Variants in ARHGEF4 observed in about 807,000 individuals in gnomAD.
The protein encoded by ARHGEF4 is APC-stimulated guanine nucleotide exchange factor 1.
A neutral mutation model predicts 162.0 loss-of-function variants in ARHGEF4; 119 were observed. That is an observed-to-expected ratio of 0.73 (90% CI 0.63 to 0.86). The LOEUF is 0.86. ARHGEF4 is among the 40% of genes least tolerant of loss of function. The pLI is 0.00. For synonymous variants in ARHGEF4, 1,014 were observed against 979.9 expected, an observed-to-expected ratio of 1.03 and a Z score of -0.65; for missense variants, 2,488 against 2,456.0, an observed-to-expected ratio of 1.01 and a Z score of -0.28.
rs192848863 is a variant in ARHGEF4, at chr2:131,019,018, C to T, written c.3986-8927C>T. On this transcript the variant is annotated intron_variant, in intron 4 of 13. Transcript: ENST00000409359. ...TAGTAAGTTTTGAAATCAGGAAATG[C>T]GGGTCCTCCAACTTTGTTTTTTTCA... 4.6e-5 allele frequency among the ~76,000 whole-genome samples: 7 copies of T among 152,218 alleles called. No individual in the cohort carries two copies. In the East Asian group the frequency reaches 5.8e-4, roughly 13 times the overall value.
At chr2:130,903,132 A>G (rs1400079748) in intron 1 of ARHGEF4, among the ~76,000 whole-genome samples, 1 of 104,096 alleles carries the variant, frequency 9.6e-6, no homozygotes, top group Non-Finnish European at 2.2e-5. Context: ...TTTTTTTTTG[A>G]GTCTTTCCGT....
Position 131,041,828 on chromosome 2 carries a change from G to A in ARHGEF4, c.4909G>A (p.Val1637Ile), listed in dbSNP as rs1690838363. Reference protein sequence around the residue: ...THPQHRDFKDVEAALHAMKNV... With the variant: ...THPQHRDFKDIEAALHAMKNV... ...GTTCTGCCCCAGGGACTTCAAGGATGTTGAAGCCGCCTTGCATGCCATGAA... is the reference window on the plus strand; with the variant it reads ...GTTCTGCCCCAGGGACTTCAAGGATATTGAAGCCGCCTTGCATGCCATGAA... The change falls in exon 10 of 14, where the codon GTT becomes ATT. Residue 1637 changes from valine to isoleucine, a missense_variant. This residue lies in a region of ARHGEF4 where 415 missense variants were observed against 512.4 expected (regional missense o/e 0.81). Transcript: ENST00000409359. The A allele has an allele frequency of 6.2e-7, 1 of 1,613,384 alleles. No individual in the cohort carries two copies. The highest frequency in any genetic ancestry group is 8.5e-7 in the Non-Finnish European group (1 of 1,179,986).
At position 131,028,058 on chromosome 2, in the gene ARHGEF4, G is replaced by T. The variant is rs1689597366; in HGVS notation, c.4099G>T (p.Gly1367Cys). Residue 1367 changes from glycine (G) to cysteine (C), a missense_variant, in exon 5 of 14, where the codon GGT becomes TGT. Physicochemically the swap from Gly to Cys is radical, Grantham distance 159. Transcript: ENST00000409359. ...CCACCACTACAGCCACCCTGGAGGG[G>T]GTGGGGAGCAGCTGGCTATCAATGA... ...SSHHYSHPGG[G>C]GEQLAINELI... 1 of 1,613,928 alleles carries T rather than the reference G, an allele frequency of 6.2e-7. No individual in the cohort carries two copies. The highest frequency in any genetic ancestry group is 1.7e-5 in the Admixed American group (1 of 60,000).
chr2:130,919,977 A>G (rs1288231647), intron 2 of ARHGEF4, among the ~76,000 whole-genome samples: 1 of 152,140 alleles, frequency 6.6e-6, no homozygotes, highest in African/African-American at 2.4e-5. Flanking sequence ...TGGAAGGCAG[A>G]TATTCCTGGA....
chr2:130,852,925 G>C (rs536962883), intron 1 of ARHGEF4, among the ~76,000 whole-genome samples: 1 of 152,188 alleles, frequency 6.6e-6, no homozygotes, highest in Non-Finnish European at 1.5e-5. Context: ...AGCAGCAGCC[G>C]GCTGCCCCAT....
intron 4 of ARHGEF4, among the ~76,000 whole-genome samples, chr2:130,999,321 A>ATT (rs557596497): frequency 1.3e-5 from 2 of 151,110 alleles, no homozygotes; most frequent in Admixed American, 6.6e-5. Flanking sequence ...CGCCTGGCTA[A>ATT]TTTTTTTTGT....
chr2:130,983,069 T>G (rs1202790238), intron 4 of ARHGEF4, among the ~76,000 whole-genome samples: 2 of 152,206 alleles, frequency 1.3e-5, no homozygotes, highest in African/African-American at 4.8e-5. Flanking sequence ...GGAAGCAACC[T>G]GCATATCTAA....
chr2:130,870,604 G>T (rs1282503382), intron 1 of ARHGEF4, among the ~76,000 whole-genome samples: 1 of 152,146 alleles, frequency 6.6e-6, no homozygotes, highest in Non-Finnish European at 1.5e-5. Flanking sequence ...TGAAACAACT[G>T]CCCCAGTTAC....
intron 3 of ARHGEF4, among the ~76,000 whole-genome samples, chr2:130,935,368 T>C (rs898602638): frequency 6.6e-6 from 1 of 152,118 alleles, no homozygotes; most frequent in Admixed American, 6.6e-5. Context: ...ATATTTAATG[T>C]GTCTCTACTT....
intron 1 of ARHGEF4, among the ~76,000 whole-genome samples, chr2:130,868,411 T>C (rs944220905): frequency 7.0e-6 from 1 of 142,552 alleles, no homozygotes; most frequent in African/African-American, 2.5e-5. Flanking sequence ...GAGAGAACAC[T>C]TCCCAGGGAA....
intron 4 of ARHGEF4, among the ~76,000 whole-genome samples, chr2:131,013,670 G>A (rs1034230864): frequency 6.6e-6 from 1 of 152,132 alleles, no homozygotes; most frequent in Non-Finnish European, 1.5e-5. Context: ...GTGCGATCTT[G>A]GCTCACTGCA....
At chr2:130,983,593 T>C (rs1686265500) in intron 4 of ARHGEF4, among the ~76,000 whole-genome samples, 1 of 152,198 alleles carries the variant, frequency 6.6e-6, no homozygotes, top group African/African-American at 2.4e-5. Context: ...GAAAATAGCT[T>C]GGACTTAATT....
At chr2:130,854,562 T>A (rs888485127) in intron 1 of ARHGEF4, among the ~76,000 whole-genome samples, 1 of 152,164 alleles carries the variant, frequency 6.6e-6, no homozygotes, top group Non-Finnish European at 1.5e-5. Flanking sequence ...TGCTGAGAAG[T>A]CTGGGGATCA....
At chr2:130,888,453 C>T (rs112818953) in intron 1 of ARHGEF4, among the ~76,000 whole-genome samples, 4 of 151,658 alleles carry the variant, frequency 2.6e-5, no homozygotes, top group South Asian at 2.1e-4. Context: ...CCTGGCTGAG[C>T]GAGACTCTGT....
intron 1 of ARHGEF4, among the ~76,000 whole-genome samples, chr2:130,867,460 A>G (rs926308159): frequency 6.6e-6 from 1 of 151,356 alleles, no homozygotes; most frequent in Admixed American, 6.6e-5. Context: ...CTGGTCTCGA[A>G]CTCCTGACCT....
chr2:130,915,166 G>A lies in ARHGEF4; in HGVS notation c.1220G>A (p.Gly407Asp), dbSNP rs1166803833. 2.5e-5 allele frequency: 39 copies of A among 1,550,604 alleles called. No individual in the cohort carries two copies. Among genetic ancestry groups the A allele is most frequent in the Non-Finnish European group, 3.3e-5 (38 of 1,147,008 alleles). Residue 407 changes from glycine (G) to aspartate (D), a missense_variant, in exon 2 of 14, where the codon GGT becomes GAT. Around this residue, in one of 6 missense-constraint regions of ARHGEF4, gnomAD observed 1,642 missense variants for 1,481.5 expected, o/e 1.11. Transcript: ENST00000409359. ...APHLQGPCKP[G>D]GFRLQRASQD... ...CATCTGCAGGGTCCCTGCAAGCCTG[G>A]TGGGTTTCGCTTGCAAAGGGCCTCT...
chr2:130,853,518 T>G (rs1574101104), intron 1 of ARHGEF4, among the ~76,000 whole-genome samples: 1 of 152,158 alleles, frequency 6.6e-6, no homozygotes, highest in African/African-American at 2.4e-5. Flanking sequence ...TTCACAGGTG[T>G]TGTGAGGGAG....
intron 4 of ARHGEF4, among the ~76,000 whole-genome samples, chr2:131,019,281 A>G (rs1265917299): frequency 2.0e-5 from 3 of 151,996 alleles, no homozygotes; most frequent in African/African-American, 7.3e-5. Flanking sequence ...GTGTGGTGTC[A>G]CATGCCTGTA....
chr2:130,981,657 C>CAAAAAAAAAAAA (rs1293791852), intron 4 of ARHGEF4, among the ~76,000 whole-genome samples: 2 of 74,660 alleles, frequency 2.7e-5, no homozygotes, highest in Middle Eastern at 9.8e-3. Flanking sequence ...GACTCCATCT[C>CAAAAAAAAAAAA]AAAAAAAAAA....
Sources: allele counts gnomAD v4.1 joint callset (sites outside exome capture counted in the v4.1 genomes callset), GRCh38; gene constraint gnomAD v4.1.1; regional missense constraint gnomAD v4.1.1; transcripts MANE v1.5; gene names NCBI Gene and HGNC (gene_info 2026-07-23, HGNC 2026-07-21).